The following ABTB3 variants were observed in gnomAD, a reference collection of about 807,000 sequenced individuals.
ABTB3 encodes ankyrin repeat and BTB domain containing 3.
the ABTB3 span, among the ~76,000 whole-genome samples, chr12:107,447,522 G>A: frequency 6.6e-6 from 1 of 152,248 alleles, no homozygotes; most frequent in East Asian, 1.9e-4. Flanking sequence ...ATCCAGATCC[G>A]CCAAACCCAC....
the ABTB3 span, among the ~76,000 whole-genome samples, chr12:107,482,913 C>CTTCTTCT: frequency 2.5e-5 from 3 of 117,998 alleles, no homozygotes; most frequent in African/African-American, 1.0e-4. Context: ...TCTCTTTCTT[C>CTTCTTCT]TTCTTTCTTT....
At chr12:107,656,388 C>A in the ABTB3 span, among the ~76,000 whole-genome samples, 1 of 152,152 alleles carries the variant, frequency 6.6e-6, no homozygotes, top group Non-Finnish European at 1.5e-5. Flanking sequence ...AAAGGGCCAG[C>A]TAAATATTTT....
At chr12:107,556,164 G>A in the ABTB3 span, among the ~76,000 whole-genome samples, 3 of 150,596 alleles carry the variant, frequency 2.0e-5, no homozygotes, top group Non-Finnish European at 2.9e-5. Context: ...GTGCGATCTC[G>A]GCTCACCGCA....
chr12:107,459,415 A>G, the ABTB3 span, among the ~76,000 whole-genome samples: 1 of 152,306 alleles, frequency 6.6e-6, no homozygotes, highest in South Asian at 2.1e-4. Context: ...AAACAGACAA[A>G]ACTCCCTGCT....
the ABTB3 span, chr12:107,640,391 C>T: frequency 2.5e-6 from 4 of 1,589,548 alleles, no homozygotes; most frequent in African/African-American, 1.3e-5. Context: ...TCACAAAGTG[C>T]TGTTATTTAC....
At chr12:107,565,616 T>A in the ABTB3 span, among the ~76,000 whole-genome samples, 1 of 152,184 alleles carries the variant, frequency 6.6e-6, no homozygotes, top group East Asian at 1.9e-4. Context: ...CTCCATCTCC[T>A]GACCTCACAA....
chr12:107,401,298 G>A, the ABTB3 span, among the ~76,000 whole-genome samples: 3 of 152,242 alleles, frequency 2.0e-5, no homozygotes, highest in African/African-American at 4.8e-5. Flanking sequence ...CAGCCAGGCT[G>A]TCTGCAAGCC....
chr12:107,340,840 C>T, the ABTB3 span, among the ~76,000 whole-genome samples: 2 of 152,116 alleles, frequency 1.3e-5, no homozygotes, highest in African/African-American at 4.8e-5. Context: ...GGTATGTTTT[C>T]GAAAATTTGC....
At chr12:107,625,874 A>G in the ABTB3 span, among the ~76,000 whole-genome samples, 46 of 152,314 alleles carry the variant, frequency 3.0e-4, no homozygotes, top group East Asian at 7.1e-3. Flanking sequence ...CAGCCTGGCA[A>G]GAGTAGAAGT....
chr12:107,356,789 G>A, the ABTB3 span, among the ~76,000 whole-genome samples: 2 of 152,188 alleles, frequency 1.3e-5, no homozygotes, highest in Non-Finnish European at 2.9e-5. Context: ...ACAGAGCTGT[G>A]GTTAGTATTT....
the ABTB3 span, among the ~76,000 whole-genome samples, chr12:107,598,345 G>T: frequency 7.2e-5 from 11 of 152,318 alleles, no homozygotes; most frequent in Admixed American, 5.2e-4. Context: ...TCTGGCTTCA[G>T]CTCACCACTG....
At chr12:107,448,457 G>A in the ABTB3 span, among the ~76,000 whole-genome samples, 3 of 152,136 alleles carry the variant, frequency 2.0e-5, no homozygotes, top group African/African-American at 7.2e-5. Flanking sequence ...TGAAAATGAT[G>A]CCCAGAAAGA....
chr12:107,376,687 C>T, the ABTB3 span, among the ~76,000 whole-genome samples: 1 of 152,152 alleles, frequency 6.6e-6, no homozygotes, highest in Non-Finnish European at 1.5e-5. Context: ...CACCGAGAAA[C>T]AAGTACTACT....
At chr12:107,658,807 G>C in the ABTB3 span, 3 of 152,606 alleles carry the variant, frequency 2.0e-5, no homozygotes, top group Non-Finnish European at 2.9e-5. Context: ...ATTCTCAGAA[G>C]ATGTTAATAG....
the ABTB3 span, among the ~76,000 whole-genome samples, chr12:107,447,037 C>T: frequency 1.3e-5 from 2 of 152,214 alleles, no homozygotes; most frequent in Non-Finnish European, 1.5e-5. Flanking sequence ...AACCAGGACA[C>T]TTTTCCAGAG....
chr12:107,399,457 C>T, the ABTB3 span, among the ~76,000 whole-genome samples: 1 of 152,226 alleles, frequency 6.6e-6, no homozygotes, highest in East Asian at 1.9e-4. Flanking sequence ...CAGACTCATA[C>T]TCAGGGCTGG....
chr12:107,328,970 C>T, the ABTB3 span, among the ~76,000 whole-genome samples: 1 of 152,154 alleles, frequency 6.6e-6, no homozygotes, highest in Non-Finnish European at 1.5e-5. Context: ...CTCTCCCTGG[C>T]TGCCCCATGA....
At chr12:107,581,161 C>T in the ABTB3 span, 5 of 1,520,690 alleles carry the variant, frequency 3.3e-6, no homozygotes, top group Non-Finnish European at 2.6e-6. Flanking sequence ...GGCCCTTCCT[C>T]GTGCTGCCGC....
the ABTB3 span, among the ~76,000 whole-genome samples, chr12:107,358,234 G>A: frequency 1.3e-5 from 2 of 152,134 alleles, no homozygotes; most frequent in Non-Finnish European, 2.9e-5. Flanking sequence ...AATGAACCAG[G>A]GAATGAGGAT....
Sources: allele counts gnomAD v4.1 joint callset (sites outside exome capture counted in the v4.1 genomes callset), GRCh38; gene constraint gnomAD v4.1.1; transcripts MANE v1.5; gene names NCBI Gene and HGNC (gene_info 2026-07-23, HGNC 2026-07-21).